The following PLCE1 variants were observed in gnomAD, a reference collection of about 807,000 sequenced individuals.
PLCE1 encodes 1-phosphatidylinositol 4,5-bisphosphate phosphodiesterase epsilon-1.
PLCE1 carries 119 observed loss-of-function variants against 242.8 expected under a neutral mutation model. That is an observed-to-expected ratio of 0.49 (90% CI 0.42 to 0.57). The LOEUF (loss-of-function observed/expected upper bound fraction) is 0.57, where lower values mean the gene tolerates loss of function less well. Ranked by LOEUF, PLCE1 falls within the 20% of genes least tolerant of loss-of-function variation. PLCE1 has a pLI of 0.00. For missense variants in PLCE1, 2,441 were observed against 2,788.8 expected (o/e 0.88, Z 2.81); for synonymous variants, 945 against 1,017.4 (o/e 0.93, Z 1.35).
chr10:94,147,531 T>G (rs1344637115), intron 3 of PLCE1, among the ~76,000 whole-genome samples: 1 of 152,154 alleles, frequency 6.6e-6, no homozygotes, highest in African/African-American at 2.4e-5. Flanking sequence ...GAATGTTCAT[T>G]CATCCAGTAA....
At chr10:94,270,399 G>A (rs1032080458) in intron 17 of PLCE1, 87 bp from the exon 18 acceptor site, 26 of 875,252 alleles carry the variant, frequency 3.0e-5, no homozygotes, top group Non-Finnish European at 4.7e-5. Context: ...TGTAACAATT[G>A]AGATGCTTTC....
chr10:94,029,210 C>T (rs575473879), intron 1 of PLCE1, among the ~76,000 whole-genome samples: 3 of 152,148 alleles, frequency 2.0e-5, no homozygotes, highest in Non-Finnish European at 4.4e-5. Context: ...CTTTGAATTG[C>T]TTACCTCATG....
chr10:94,200,227 T>A (rs997560369), intron 4 of PLCE1, among the ~76,000 whole-genome samples: 3 of 152,230 alleles, frequency 2.0e-5, no homozygotes, highest in Non-Finnish European at 4.4e-5. Context: ...TCTTGGTTTC[T>A]AAAACCATTC....
At chr10:94,046,991 A>AT (rs542485681) in intron 2 of PLCE1, among the ~76,000 whole-genome samples, 6 of 152,018 alleles carry the variant, frequency 3.9e-5, no homozygotes, top group East Asian at 3.9e-4. Flanking sequence ...AAATTTTGTT[A>AT]TTTTTTTATA....
chr10:94,089,752 T>C lies in PLCE1; in HGVS notation c.1207-42422T>C, dbSNP rs761112400. ...TAATGTGATGAAAACGTCTCACTTA[T>C]ATTCTTCAGGATACTCGCTTTTGAA... On this transcript the variant is annotated intron_variant, in intron 2 of 32. Transcript: ENST00000371380. Among the ~76,000 whole-genome samples the C allele has an allele frequency of 5.3e-5, 8 of 152,362 alleles. No individual in the cohort carries two copies. In the East Asian group the frequency reaches 1.5e-3, roughly 29 times the overall value.
intron 22 of PLCE1, among the ~76,000 whole-genome samples, chr10:94,289,601 G>C (rs2052577837): frequency 6.6e-6 from 1 of 152,212 alleles, no homozygotes; most frequent in East Asian, 1.9e-4. Flanking sequence ...TTACTGCACT[G>C]AATACGGTAG....
chr10:94,079,499 G>C (rs1173606435), intron 2 of PLCE1, among the ~76,000 whole-genome samples: 2 of 152,146 alleles, frequency 1.3e-5, no homozygotes, highest in African/African-American at 4.8e-5. Flanking sequence ...ACCTAATGTA[G>C]ATGACGTGTT....
chr10:94,324,597 T>TTAAG (rs749233568), intron 31 of PLCE1, 30 bp downstream of exon 31: 2 of 1,525,284 alleles, frequency 1.3e-6, no homozygotes, highest in Non-Finnish European at 1.8e-6. Flanking sequence ...TGCTCTGTTC[T>TTAAG]TAAGTTATCT....
intron 18 of PLCE1, among the ~76,000 whole-genome samples, chr10:94,271,726 T>G (rs1208505796): frequency 6.6e-6 from 1 of 152,178 alleles, no homozygotes; most frequent in African/African-American, 2.4e-5. Flanking sequence ...GGTATGATAA[T>G]GTATCAGGGG....
intron 4 of PLCE1, among the ~76,000 whole-genome samples, chr10:94,195,421 C>G (rs920361454): frequency 6.6e-6 from 1 of 152,010 alleles, no homozygotes; most frequent in Non-Finnish European, 1.5e-5. Flanking sequence ...AGAAAGAAGT[C>G]CCTGTGTAAA....
intron 3 of PLCE1, among the ~76,000 whole-genome samples, chr10:94,163,087 A>G (rs112227992): frequency 0.039 from 5,861 of 152,210 alleles, 384 homozygotes; most frequent in African/African-American, 0.13. Flanking sequence ...TATGTGGTCA[A>G]TTTTGGAATA....
chr10:94,181,763 A>T (rs2048318988), intron 4 of PLCE1, among the ~76,000 whole-genome samples: 1 of 151,990 alleles, frequency 6.6e-6, no homozygotes, highest in South Asian at 2.1e-4. Context: ...ACAAAAAATT[A>T]AAAAATTGAC....
chr10:94,237,648 C>T (rs2050369223), intron 7 of PLCE1, among the ~76,000 whole-genome samples: 1 of 152,156 alleles, frequency 6.6e-6, no homozygotes, highest in African/African-American at 2.4e-5. Context: ...AACTTGTGTA[C>T]CTAAGTGCCA....
intron 2 of PLCE1, among the ~76,000 whole-genome samples, chr10:94,058,809 G>A (rs2043972763): frequency 6.6e-6 from 1 of 152,000 alleles, no homozygotes; most frequent in African/African-American, 2.4e-5. Context: ...TATTATAAAA[G>A]TATAAAGGAA....
In PLCE1 at chr10:94,031,297, A is replaced by T; in HGVS notation, c.251A>T (p.Glu84Val). ...GCGAGGGAGAAAATAGTGAGTGATG[A>T]GAACAGTAATGAAAAATGTTGGGAG... Reference protein sequence around the residue: ...SIAREKIVSDENSNEKCWEKI... With the variant: ...SIAREKIVSDVNSNEKCWEKI... The change falls in exon 2 of 33, where the codon GAG (glutamate) becomes GTG (valine). Residue 84 changes from glutamate (E) to valine (V), a missense_variant. Physicochemically the swap from Glu to Val is moderately radical, Grantham distance 121. This residue lies in a region of PLCE1 where 393 missense variants were observed against 378.5 expected (regional missense o/e 1.04). Coordinates refer to ENST00000371380, the MANE Select transcript of PLCE1 (RefSeq NM_016341.4). 6.2e-7 allele frequency: 1 copy of T among 1,613,930 alleles called. No individual in the cohort carries two copies. The highest frequency in any genetic ancestry group is 8.5e-7 in the Non-Finnish European group (1 of 1,179,910).
At chr10:94,148,236 C>A (rs993760338) in intron 3 of PLCE1, among the ~76,000 whole-genome samples, 1 of 152,142 alleles carries the variant, frequency 6.6e-6, no homozygotes. Flanking sequence ...GAAGAAGGCA[C>A]TCAGAAATGG....
chr10:94,113,190 C>G (rs991066707), intron 2 of PLCE1, among the ~76,000 whole-genome samples: 1 of 149,972 alleles, frequency 6.7e-6, no homozygotes, highest in Admixed American at 6.7e-5. Flanking sequence ...TGTGGTGTAA[C>G]TATATTAAAA....
rs114390490 is a variant in PLCE1, at chr10:94,004,722, C to G, written c.-365+10464C>G. Reference sequence around the variant, plus strand: ...CTTTTCTCATCCATTCATCACTGATCCACTCAGCAGTTATTTTGAGTCACT... The same window carrying G: ...CTTTTCTCATCCATTCATCACTGATGCACTCAGCAGTTATTTTGAGTCACT... On this transcript the variant is annotated intron_variant, in intron 1 of 32. Transcript: ENST00000371380. 6.9e-3 allele frequency among the ~76,000 whole-genome samples: 1,043 copies of G among 152,216 alleles called. 6 individuals are homozygous for G. The highest frequency in any genetic ancestry group is 0.024 in the African/African-American group (993 of 41,524).
intron 2 of PLCE1, among the ~76,000 whole-genome samples, chr10:94,095,022 T>G (rs908693904): frequency 6.6e-6 from 1 of 152,244 alleles, no homozygotes; most frequent in African/African-American, 2.4e-5. Flanking sequence ...TGTTTCCAAC[T>G]GCTGGTAACT....
Sources: allele counts gnomAD v4.1 joint callset (sites outside exome capture counted in the v4.1 genomes callset), GRCh38; gene constraint gnomAD v4.1.1; regional missense constraint gnomAD v4.1.1; transcripts MANE v1.5; gene names NCBI Gene and HGNC (gene_info 2026-07-23, HGNC 2026-07-21).